The following VPS13B variants were observed in gnomAD, a reference collection of about 807,000 sequenced individuals.
VPS13B encodes the protein vacuolar protein sorting 13 homolog B, also known as intermembrane lipid transfer protein VPS13B.
Under a neutral mutation model 426.4 loss-of-function variants are expected in VPS13B, and 285 were observed. The observed-to-expected ratio is 0.67, with a 90% CI of 0.61 to 0.74. The LOEUF (loss-of-function observed/expected upper bound fraction) is 0.74, where lower values mean the gene tolerates loss of function less well. Ranked by LOEUF, VPS13B falls within the 30% of genes least tolerant of loss-of-function variation. The pLI is 0.00. For missense variants in VPS13B, 4,537 were observed against 4,782.6 expected (o/e 0.95, Z 1.51); for synonymous variants, 1,676 against 1,676.4 (o/e 1.00, Z 0.01).
intron 34 of VPS13B, among the ~76,000 whole-genome samples, chr8:99,646,551 A>G (rs772982130): frequency 7.2e-5 from 11 of 152,174 alleles, no homozygotes; most frequent in Non-Finnish European, 1.2e-4. Context: ...ATTCTTTTCT[A>G]TAAGGTAACT....
chr8:99,709,481 A>G (rs1243890160), intron 36 of VPS13B, among the ~76,000 whole-genome samples: 1 of 152,208 alleles, frequency 6.6e-6, no homozygotes, highest in Non-Finnish European at 1.5e-5. Context: ...TTTTATACTC[A>G]ATGAAAAGTA....
intron 15 of VPS13B, among the ~76,000 whole-genome samples, chr8:99,157,628 A>G (rs1157609622): frequency 6.6e-6 from 1 of 152,182 alleles, no homozygotes; most frequent in Non-Finnish European, 1.5e-5. Context: ...TAATAGCCCT[A>G]CAATGGCCTG....
chr8:99,237,714 CCCAAAATTAGAGAAATCA>C (rs1365621181), intron 17 of VPS13B, among the ~76,000 whole-genome samples: 1 of 151,774 alleles, frequency 6.6e-6, no homozygotes, highest in Non-Finnish European at 1.5e-5. Flanking sequence ...TGATGAGTTC[CCCAAAATTAGAGAAATCA>C]CCACTAAAGA....
At chr8:99,491,293 A>G (rs1820590512) in intron 25 of VPS13B, among the ~76,000 whole-genome samples, 1 of 151,846 alleles carries the variant, frequency 6.6e-6, no homozygotes, top group Non-Finnish European at 1.5e-5. Flanking sequence ...TGCCCTTAAC[A>G]TTTTTTCCTT....
At chr8:99,675,585 G>T (rs776908475) in intron 35 of VPS13B, among the ~76,000 whole-genome samples, 8 of 152,038 alleles carry the variant, frequency 5.3e-5, no homozygotes, top group Non-Finnish European at 1.2e-4. Flanking sequence ...CAGTGACCAA[G>T]AATTTACCCT....
chr8:99,377,681 A>T (rs1258789431), intron 19 of VPS13B, among the ~76,000 whole-genome samples: 1 of 152,110 alleles, frequency 6.6e-6, no homozygotes, highest in East Asian at 1.9e-4. Context: ...TCTTAGAAAT[A>T]AAGAGAAAGG....
intron 3 of VPS13B, among the ~76,000 whole-genome samples, chr8:99,040,666 TA>T (rs1244566360): frequency 4.6e-5 from 7 of 152,202 alleles, no homozygotes. Flanking sequence ...TTCAAGTTAT[TA>T]CATTGTAGAA....
chr8:99,357,047 G>A (rs866711202), intron 19 of VPS13B, among the ~76,000 whole-genome samples: 1 of 152,080 alleles, frequency 6.6e-6, no homozygotes, highest in Non-Finnish European at 1.5e-5. Context: ...AAAAAATAAA[G>A]CTAATTCAAC....
intron 21 of VPS13B, among the ~76,000 whole-genome samples, chr8:99,419,161 C>G (rs1328174646): frequency 1.3e-5 from 2 of 152,136 alleles, no homozygotes. Context: ...CTAGTGCTGT[C>G]TCCTGGTAGA....
At chr8:99,078,395 G>C (rs1034066346) in intron 3 of VPS13B, among the ~76,000 whole-genome samples, 1 of 151,632 alleles carries the variant, frequency 6.6e-6, no homozygotes, top group African/African-American at 2.4e-5. Context: ...GGGTGAAGTA[G>C]TATAGTCTGC....
chr8:99,416,362 G>A (rs545198702), intron 21 of VPS13B, among the ~76,000 whole-genome samples: 44 of 152,282 alleles, frequency 2.9e-4, no homozygotes, highest in African/African-American at 1.1e-3. Flanking sequence ...GCTCCGTGGG[G>A]GTGGGATCTG....
At chr8:99,622,264 T>G (rs914148601) in intron 33 of VPS13B, among the ~76,000 whole-genome samples, 1 of 152,166 alleles carries the variant, frequency 6.6e-6, no homozygotes, top group African/African-American at 2.4e-5. Flanking sequence ...TTTCTCCAGT[T>G]TATGTTGTCA....
At chr8:99,149,541 C>T (rs889897468) in intron 14 of VPS13B, among the ~76,000 whole-genome samples, 2 of 151,956 alleles carry the variant, frequency 1.3e-5, no homozygotes. Context: ...AGGTCTTGAA[C>T]TCCTGACCTC....
At chr8:99,635,959 T>G (rs1829049294) in intron 33 of VPS13B, among the ~76,000 whole-genome samples, 2 of 151,982 alleles carry the variant, frequency 1.3e-5, no homozygotes, top group African/African-American at 4.8e-5. Context: ...AGGAATTAGC[T>G]ACAGTTGGTT....
chr8:99,435,254 G>A (rs1817311149), intron 22 of VPS13B, among the ~76,000 whole-genome samples: 1 of 152,124 alleles, frequency 6.6e-6, no homozygotes, highest in Admixed American at 6.6e-5. Flanking sequence ...GTTGTTTAAA[G>A]TTTACTATAG....
At chr8:99,740,529 A>G (rs1809653663) in intron 39 of VPS13B, among the ~76,000 whole-genome samples, 1 of 152,210 alleles carries the variant, frequency 6.6e-6, no homozygotes. Flanking sequence ...TGTCAGATTC[A>G]CCAAAGTTGA....
rs185951100 is a variant in VPS13B, at chr8:99,094,395, T to C, written c.292-1917T>C. Among the ~76,000 whole-genome samples, 478 of 152,342 alleles carry C rather than the reference T, an allele frequency of 3.1e-3. 1 individual carries two copies. The highest frequency in any genetic ancestry group is 6.8e-3 in the Middle Eastern group (2 of 294). On this transcript the variant is annotated intron_variant, in intron 3 of 61. Coordinates refer to ENST00000357162, the MANE Select transcript of VPS13B (RefSeq NM_152564.5). ...GGCTTTATTCACAGTAGTAGTCTTT[T>C]AGTATTTAAGACTGTAACATCCCCC...
chr8:99,088,133 G>A (rs185387831), intron 3 of VPS13B, among the ~76,000 whole-genome samples: 11 of 149,166 alleles, frequency 7.4e-5, no homozygotes, highest in African/African-American at 2.5e-4. Flanking sequence ...GCAGTGAGCC[G>A]AGATTGCGCC....
At chr8:99,826,202 G>A (rs1814673066) in intron 51 of VPS13B, among the ~76,000 whole-genome samples, 1 of 152,188 alleles carries the variant, frequency 6.6e-6, no homozygotes, top group African/African-American at 2.4e-5. Flanking sequence ...CTGTCCATGA[G>A]CATGGAATGT....
Sources: allele counts gnomAD v4.1 joint callset (sites outside exome capture counted in the v4.1 genomes callset), GRCh38; gene constraint gnomAD v4.1.1; transcripts MANE v1.5; gene names NCBI Gene and HGNC (gene_info 2026-07-23, HGNC 2026-07-21).